The following RERE variants were observed in gnomAD, a reference collection of about 807,000 sequenced individuals.
RERE encodes the protein arginine-glutamic acid dipeptide repeats protein.
Under a neutral mutation model 146.1 loss-of-function variants are expected in RERE, and 40 were observed. The observed-to-expected ratio is 0.27, with a 90% CI of 0.21 to 0.36. The LOEUF (loss-of-function observed/expected upper bound fraction) is 0.36. Ranked by LOEUF, RERE falls within the 10% of genes least tolerant of loss-of-function variation. The pLI is 1.00. For synonymous variants in RERE, 1,003 were observed against 866.0 expected (o/e 1.16, Z -2.78); for missense variants, 1,933 against 2,138.7 (o/e 0.90, Z 1.90).
intron 12 of RERE, among the ~76,000 whole-genome samples, chr1:8,409,036 A>C (rs1200245788): frequency 6.6e-6 from 1 of 152,230 alleles, no homozygotes; most frequent in Admixed American, 6.5e-5. Flanking sequence ...CCAAGAACTG[A>C]AATCATTTCC....
intron 7 of RERE, among the ~76,000 whole-genome samples, chr1:8,535,375 A>G (rs951459960): frequency 2.0e-5 from 3 of 152,214 alleles, no homozygotes; most frequent in Admixed American, 6.5e-5. Context: ...TACCATGGTA[A>G]TAATATTTTC....
At chr1:8,608,566 A>AAC (rs1216764448) in intron 4 of RERE, among the ~76,000 whole-genome samples, 1 of 152,182 alleles carries the variant, frequency 6.6e-6, no homozygotes, top group African/African-American at 2.4e-5. Flanking sequence ...TGAAAGTCCT[A>AAC]ACAGTGCCTG....
chr1:8,525,509 G>A (rs189950929), intron 7 of RERE, among the ~76,000 whole-genome samples: 1 of 152,220 alleles, frequency 6.6e-6, no homozygotes, highest in Non-Finnish European at 1.5e-5. Flanking sequence ...GAGGTAAGGG[G>A]AAGAGGACAG....
rs1641481369 is a variant in RERE, at chr1:8,359,799, C to T, written c.3583G>A (p.Glu1195Lys). ...EKEKEKEREREREREREAERA... is the reference protein window; with the variant it reads ...EKEKEKERERKREREREAERA... ...TCTGCCTCGCGCTCCCGCTCTCGCT[C>T]CCGCTCCCGCTCCTTCTCCTTCTCC... Residue 1195 changes from glutamate (E) to lysine (K), a missense_variant, in exon 19 of 23, where the codon GAG (glutamate) becomes AAG (lysine). Physicochemically the swap from Glu to Lys is moderately conservative, Grantham distance 56. Around this residue, in one of 11 missense-constraint regions of RERE, gnomAD observed 1,255 missense variants for 1,153.8 expected, o/e 1.09. Transcript: ENST00000400908. The T allele has an allele frequency of 2.5e-6, 4 of 1,601,060 alleles. No homozygotes were observed. The highest frequency in any genetic ancestry group is 1.7e-5 in the Admixed American group (1 of 59,852).
intron 11 of RERE, among the ~76,000 whole-genome samples, chr1:8,438,099 G>A (rs937861365): frequency 6.6e-6 from 1 of 152,160 alleles, no homozygotes. Flanking sequence ...TCCTGGCTCG[G>A]CCTCCCAAGT....
rs572195235 is a variant in RERE at position 8,737,313 on chromosome 1, G to A, written c.-145+79847C>T. Reference sequence around the variant, plus strand: ...ACATCCACTTAGAGTTTGCCAGACAGAGAAAAAGGAAAATAACATTCCAGT... The same window carrying A: ...ACATCCACTTAGAGTTTGCCAGACAAAGAAAAAGGAAAATAACATTCCAGT... On this transcript the variant is annotated intron_variant, in intron 1 of 22. Transcript: ENST00000400908. Among the ~76,000 whole-genome samples the A allele has an allele frequency of 3.3e-5, 5 of 152,282 alleles. No individual in the cohort carries two copies. In the South Asian group the frequency reaches 6.2e-4, roughly 19 times the overall value.
chr1:8,356,599 AAC>A lies in RERE; in HGVS notation c.4340-355_4340-354del, dbSNP rs1381723511. On this transcript the variant is annotated intron_variant, in intron 20 of 22. Transcript: ENST00000400908. The surrounding 1 kb of genome is among the most constrained non-coding windows in gnomAD (Gnocchi z 5.2). ...TGCCCTCTGCCTGTCAGGTCACAGG[AAC>A]ACACAGCCTTGCGCCAGTGGGTGTT... 2.6e-5 allele frequency among the ~76,000 whole-genome samples: 4 copies of A among 152,064 alleles called. No individual in the cohort carries two copies. Among genetic ancestry groups the A allele is most frequent in the Admixed American group, 6.6e-5 (1 of 15,264 alleles).
At chr1:8,451,285 G>T (rs1270977514) in intron 11 of RERE, among the ~76,000 whole-genome samples, 1 of 152,262 alleles carries the variant, frequency 6.6e-6, no homozygotes. Context: ...ACAAAAATTA[G>T]CTGGGGTGTG....
chr1:8,370,214 C>G (rs779511496), intron 12 of RERE, among the ~76,000 whole-genome samples: 11 of 152,150 alleles, frequency 7.2e-5, no homozygotes, highest in Non-Finnish European at 1.2e-4. Context: ...AGGCACAGAC[C>G]ACCGACACAT....
chr1:8,509,811 A>AT (rs1645309402), intron 7 of RERE, among the ~76,000 whole-genome samples: 2 of 152,174 alleles, frequency 1.3e-5, no homozygotes, highest in African/African-American at 4.8e-5. Flanking sequence ...GGCAACAAAC[A>AT]AAACAGTGTC....
At position 8,438,749 on chromosome 1, in the gene RERE, T is replaced by C. The variant is rs545961354; in HGVS notation, c.1204-15942A>G. On this transcript the variant is annotated intron_variant, in intron 11 of 22. Coordinates refer to ENST00000400908, the MANE Select transcript of RERE (RefSeq NM_001042681.2). The stretch of plus-strand genomic sequence containing the variant: ...AAATGTAGCGTTTAAAAGTACTAAC[T>C]TTTAAAATGTTGAATGTTCCAGTAA... Among the ~76,000 whole-genome samples the C allele has an allele frequency of 2.6e-5, 4 of 152,228 alleles. No homozygotes were observed. The South Asian group carries it at 8.3e-4, about 32-fold the overall frequency.
chr1:8,395,875 T>C (rs1032659168), intron 12 of RERE, among the ~76,000 whole-genome samples: 3 of 151,822 alleles, frequency 2.0e-5, no homozygotes, highest in African/African-American at 7.3e-5. Flanking sequence ...CCAGTGAGAG[T>C]GCCCAAGGAA....
chr1:8,616,970 C>A (rs375657850), intron 3 of RERE, among the ~76,000 whole-genome samples: 1 of 152,180 alleles, frequency 6.6e-6, no homozygotes, highest in East Asian at 1.9e-4. Context: ...AAACTTTCAA[C>A]ACCATTACTC....
chr1:8,699,629 C>T (rs1639404911), intron 1 of RERE, among the ~76,000 whole-genome samples: 1 of 152,194 alleles, frequency 6.6e-6, no homozygotes, highest in Non-Finnish European at 1.5e-5. Context: ...AGGATACCTA[C>T]TTCCCTCCAT....
intron 1 of RERE, among the ~76,000 whole-genome samples, chr1:8,815,793 GT>G (rs1641899642): frequency 6.6e-6 from 1 of 152,018 alleles, no homozygotes; most frequent in African/African-American, 2.4e-5. Flanking sequence ...GAGAATGAAT[GT>G]GTGTATGGAA....
At chr1:8,629,668 G>A (rs989998969) in intron 2 of RERE, among the ~76,000 whole-genome samples, 1 of 152,164 alleles carries the variant, frequency 6.6e-6, no homozygotes, top group African/African-American at 2.4e-5. Context: ...ACAGAGCAGA[G>A]TGGACACTTA....
intron 12 of RERE, among the ~76,000 whole-genome samples, chr1:8,399,118 T>A (rs532892643): frequency 2.0e-5 from 3 of 152,184 alleles, no homozygotes; most frequent in Admixed American, 6.5e-5. Context: ...AAGTTCTTCA[T>A]GCATTCTAGA....
At position 8,541,301 on chromosome 1, in the gene RERE, G is replaced by A. The variant is rs747651288; in HGVS notation, c.743C>T (p.Ser248Phe). 1.2e-6 allele frequency: 2 copies of A among 1,607,456 alleles called. No homozygotes were observed. The highest frequency in any genetic ancestry group is 1.7e-5 in the Admixed American group (1 of 59,458). ...AGCAGCAAATATGTCAGAAAAATGG[G>A]AGATGTTACACTTCCCTCTGGGAAA... ...AAALRGKCNI[S>F]HFSDIFAARE... Residue 248 changes from serine (S) to phenylalanine (F), a missense_variant, in exon 7 of 23, where the codon TCC (serine) becomes TTC (phenylalanine). Coordinates refer to ENST00000400908, the MANE Select transcript of RERE (RefSeq NM_001042681.2).
At chr1:8,529,295 T>C (rs1645609904) in intron 7 of RERE, among the ~76,000 whole-genome samples, 1 of 142,168 alleles carries the variant, frequency 7.0e-6, no homozygotes, top group South Asian at 2.3e-4. Context: ...TTCTTTTTTT[T>C]TTTTTTTTTT....
Sources: gnomAD v4.1 joint callset for allele counts (sites outside exome capture counted in the v4.1 genomes callset) on GRCh38, gnomAD v4.1.1 for gene constraint, gnomAD v4.1.1 regional missense constraint, Gnocchi (gnomAD v3.1) non-coding constraint, MANE v1.5 for transcripts, NCBI Gene and HGNC (gene_info 2026-07-23, HGNC 2026-07-21) for gene names.